BCAP31: variants seen among roughly 807,000 people sequenced by gnomAD.
The protein encoded by BCAP31 is B cell receptor associated protein 31.
For missense variants in BCAP31, 124 were observed against 193.0 expected, an observed-to-expected ratio of 0.64 and a Z score of 2.12; for synonymous variants, 75 against 80.9, an observed-to-expected ratio of 0.93 and a Z score of 0.39.
At chrX:153,702,542 A>ACAGG in intron 6 of BCAP31, 1 of 176,695 alleles carries the variant, frequency 5.7e-6, no homozygotes, top group East Asian at 1.4e-4. Flanking sequence ...GAGACCAAAG[A>ACAGG]CAGGCAGGCC....
intron 4 of BCAP31, among the ~76,000 whole-genome samples, chrX:153,714,008 G>A (rs1270279080): frequency 9.6e-6 from 1 of 104,032 alleles, no homozygotes; most frequent in Non-Finnish European, 1.9e-5. Flanking sequence ...CCGAGTAGCT[G>A]GCACTACAGG....
At position 153,712,481 on chromosome X, in the gene BCAP31, T is replaced by C. The variant is rs781991765; in HGVS notation, c.341+3061A>G. The stretch of plus-strand genomic sequence containing the variant: ...AGTTGTCCCAGAAAAACATTCATGA[T>C]AAACTGAGTAGAACACTCAAGTCAC... On this transcript the variant is annotated intron_variant, in intron 4 of 7. Coordinates refer to ENST00000345046, the MANE Select transcript of BCAP31 (RefSeq NM_001256447.2). 1.4e-4 allele frequency among the ~76,000 whole-genome samples: 16 copies of C among 111,773 alleles called. 1 individual carries two copies. In the South Asian group the frequency reaches 5.6e-3, roughly 39 times the overall value.
intron 1 of BCAP31, 149 bp from the exon 2 acceptor site, chrX:153,723,437 C>T (rs2091682537): frequency 8.8e-7 from 1 of 1,134,203 alleles, no homozygotes; most frequent in Admixed American, 2.8e-5. Context: ...GGAAGCAGGG[C>T]TCCACTCGGC....
At chrX:153,723,823 G>C in intron 1 of BCAP31, 2 of 706,778 alleles carry the variant, frequency 2.8e-6, no homozygotes, top group African/African-American at 2.2e-5. Flanking sequence ...GAGAGAAACC[G>C]GCACCTCCCT....
rs1410381073 is a variant in BCAP31, at chrX:153,704,094, G to A, written c.342C>T (p.Phe114=). The change falls in exon 5 of 8, where the codon TTC becomes TTT. Residue 114 remains phenylalanine, a splice_region_variant and synonymous_variant. Transcript: ENST00000345046. ...YIAGFSLLLS[F]LLRRLVTLIS... ...TGAGAGTCACCAGGCGTCTAAGCAG[G>A]CTGCAATTATTTACAAAAAGAAGGG... The A allele has an allele frequency of 8.3e-7, 1 of 1,205,435 alleles. No individual in the cohort carries two copies. Among genetic ancestry groups the A allele is most frequent in the Non-Finnish European group, 1.1e-6 (1 of 891,914 alleles).
Position 153,700,856 on chromosome X carries a change from G to A in BCAP31, c.*81C>T. 7.0e-6 allele frequency: 7 copies of A among 998,665 alleles called. No individual in the cohort carries two copies. Among genetic ancestry groups the A allele is most frequent in the Non-Finnish European group, 9.8e-6 (7 of 711,190 alleles). The allele number at this position is 998,665 out of a possible 1,213,427, so 82.3% of individuals were successfully genotyped here. On this transcript the variant is annotated 3_prime_UTR_variant, in exon 8 of 8. Transcript: ENST00000345046. ...GCAGAAGGGCACAAACAGAAGTACTGGAGGGAGAGGCCGGGCTCTCAGGAA... is the reference window on the plus strand; with the variant it reads ...GCAGAAGGGCACAAACAGAAGTACTAGAGGGAGAGGCCGGGCTCTCAGGAA...
intron 1 of BCAP31, chrX:153,724,049 G>C (rs1352690752): frequency 3.0e-6 from 1 of 334,918 alleles, no homozygotes; most frequent in Admixed American, 3.2e-5. Flanking sequence ...CCCACCCAGA[G>C]CGAGGGGCCT....
rs375757112 is a variant in BCAP31 at position 153,715,535 on chromosome X, C to A, written c.341+7G>T. The stretch of plus-strand genomic sequence containing the variant: ...CACAGCACCTGCCCCCTCAACCCCC[C>A]ACTCACAAGGACAGCAGCAAGGAAA... On this transcript the variant is annotated splice_region_variant and intron_variant, in intron 4 of 7. Transcript: ENST00000345046. The A allele has an allele frequency of 2.7e-5, 33 of 1,208,599 alleles. No individual in the cohort carries two copies. Among genetic ancestry groups the A allele is most frequent in the African/African-American group, 2.6e-4 (15 of 57,069 alleles).
At chrX:153,716,386 C>A (rs948900416) in intron 3 of BCAP31, among the ~76,000 whole-genome samples, 5 of 108,622 alleles carry the variant, frequency 4.6e-5, no homozygotes, top group Admixed American at 1.0e-4. Flanking sequence ...CCCCAACCCC[C>A]ACAATGATAA....
chrX:153,722,761 TAGG>T (rs2091676133), intron 2 of BCAP31, among the ~76,000 whole-genome samples: 1 of 111,570 alleles, frequency 9.0e-6, no homozygotes, highest in Admixed American at 9.5e-5. Context: ...TGAGACTAGT[TAGG>T]AGGACAAGAG....
intron 2 of BCAP31, among the ~76,000 whole-genome samples, chrX:153,722,540 AT>A (rs1906816187): frequency 8.9e-6 from 1 of 111,896 alleles, no homozygotes. Flanking sequence ...ATCAAAGATA[AT>A]TTTTCACGAA....
At chrX:153,708,844 G>C (rs1222237594) in intron 4 of BCAP31, among the ~76,000 whole-genome samples, 1 of 112,770 alleles carries the variant, frequency 8.9e-6, no homozygotes, top group African/African-American at 3.2e-5. Flanking sequence ...TGGTACAGCT[G>C]CGTGGCCTTC....
intron 4 of BCAP31, among the ~76,000 whole-genome samples, chrX:153,708,904 C>G (rs1302240821): frequency 8.9e-6 from 1 of 112,305 alleles, no homozygotes; most frequent in African/African-American, 3.2e-5. Context: ...AAGAGGAGGG[C>G]TAGAGCTGGG....
intron 3 of BCAP31, among the ~76,000 whole-genome samples, chrX:153,717,270 T>A (rs2091635664): frequency 8.9e-6 from 1 of 112,300 alleles, no homozygotes; most frequent in African/African-American, 3.2e-5. Context: ...CAGTTAAAAA[T>A]ATATTTATAT....
intron 5 of BCAP31, 56 bp from the exon 6 acceptor site, chrX:153,703,114 A>G (rs2091530036): frequency 3.4e-6 from 4 of 1,188,816 alleles, no homozygotes; most frequent in African/African-American, 1.8e-5. Context: ...GAGAGGTTCC[A>G]GCCCCATCCT....
chrX:153,711,904 C>A (rs75286367), intron 4 of BCAP31, among the ~76,000 whole-genome samples: 323 of 67,769 alleles, frequency 4.8e-3, no homozygotes, highest in Non-Finnish European at 5.0e-3. Flanking sequence ...GACTCTGTCT[C>A]AAAAAAAAAA....
chrX:153,723,480 C>A (rs1183437342), intron 1 of BCAP31, 192 bp from the exon 2 acceptor site: 1 of 1,150,195 alleles, frequency 8.7e-7, no homozygotes, highest in Non-Finnish European at 1.2e-6. Context: ...TCACAGGCCC[C>A]ACAAACTTCC....
At chrX:153,718,796 A>C (rs1557050535) in intron 3 of BCAP31, among the ~76,000 whole-genome samples, 1 of 111,148 alleles carries the variant, frequency 9.0e-6, no homozygotes, top group African/African-American at 3.3e-5. Context: ...AGCAATACTA[A>C]CCCAAGTCCC....
intron 4 of BCAP31, among the ~76,000 whole-genome samples, chrX:153,704,386 C>T (rs1367978546): frequency 3.6e-5 from 4 of 112,375 alleles, no homozygotes; most frequent in African/African-American, 1.3e-4. Flanking sequence ...GGTCCCAGAA[C>T]GCGGCACTTT....
Sources: gnomAD v4.1 joint callset for allele counts (sites outside exome capture counted in the v4.1 genomes callset) on GRCh38, gnomAD v4.1.1 for gene constraint, MANE v1.5 for transcripts, NCBI Gene and HGNC (gene_info 2026-07-23, HGNC 2026-07-21) for gene names.